Variants in PDSS2 observed in about 807,000 individuals in gnomAD.
PDSS2 encodes decaprenyl diphosphate synthase subunit 2.
A neutral mutation model predicts 44.5 loss-of-function variants in PDSS2; 31 were observed. The ratio of observed to expected loss-of-function variants is 0.70; its 90% CI spans 0.52 to 0.94. PDSS2 has a LOEUF of 0.94. PDSS2 is among the 40% of genes least tolerant of loss of function. The pLI, the probability that PDSS2 is intolerant of heterozygous loss-of-function variation, is 0.00. For synonymous variants in PDSS2, 157 were observed against 180.3 expected, an observed-to-expected ratio of 0.87 and a Z score of 1.03; for missense variants, 452 against 482.2, an observed-to-expected ratio of 0.94 and a Z score of 0.59.
At chr6:107,351,350 T>G (rs573313317) in intron 1 of PDSS2, among the ~76,000 whole-genome samples, 1 of 152,310 alleles carries the variant, frequency 6.6e-6, no homozygotes, top group African/African-American at 2.4e-5. Context: ...GTTCTGCTCT[T>G]CCCCAAGAGT....
At chr6:107,319,373 T>C (rs981819556) in intron 2 of PDSS2, among the ~76,000 whole-genome samples, 1 of 152,116 alleles carries the variant, frequency 6.6e-6, no homozygotes, top group African/African-American at 2.4e-5. Flanking sequence ...TCATTGAAGG[T>C]ACAGTACCTA....
intron 1 of PDSS2, among the ~76,000 whole-genome samples, chr6:107,410,899 C>T (rs1364451080): frequency 6.7e-6 from 1 of 150,094 alleles, no homozygotes; most frequent in African/African-American, 2.5e-5. Flanking sequence ...TTTGTTATTA[C>T]TTTTTTGAGA....
chr6:107,411,377 G>A (rs1434893841), intron 1 of PDSS2, among the ~76,000 whole-genome samples: 1 of 152,140 alleles, frequency 6.6e-6, no homozygotes, highest in Non-Finnish European at 1.5e-5. Flanking sequence ...ATGAAAACTG[G>A]ACAACCAAAT....
intron 2 of PDSS2, among the ~76,000 whole-genome samples, chr6:107,328,577 G>C (rs1034129173): frequency 1.3e-5 from 2 of 152,074 alleles, no homozygotes; most frequent in Non-Finnish European, 2.9e-5. Context: ...TGCCCAGCCT[G>C]AAACTGTTAT....
intron 6 of PDSS2, among the ~76,000 whole-genome samples, chr6:107,197,144 C>T (rs1315163419): frequency 6.6e-6 from 1 of 151,814 alleles, no homozygotes; most frequent in Non-Finnish European, 1.5e-5. Context: ...CTGGGAGCTG[C>T]TCTAGCAAAT....
intron 1 of PDSS2, among the ~76,000 whole-genome samples, chr6:107,392,495 T>C (rs1284604523): frequency 6.6e-6 from 1 of 152,198 alleles, no homozygotes; most frequent in East Asian, 1.9e-4. Context: ...TTTCAGTCAT[T>C]TTCTTATTAG....
At chr6:107,272,057 A>G (rs9480760) in intron 3 of PDSS2, among the ~76,000 whole-genome samples, 28,561 of 149,952 alleles carry the variant, frequency 0.19, 2,884 homozygotes, top group African/African-American at 0.21. Context: ...ACCCTGTCTC[A>G]AAAAAGAAAC....
intron 3 of PDSS2, chr6:107,264,273 C>T (rs1245841453): frequency 2.2e-6 from 3 of 1,366,396 alleles, no homozygotes; most frequent in Non-Finnish European, 2.8e-6. Context: ...AAACAAAATA[C>T]TTCATTTTAA....
At chr6:107,381,212 T>A (rs549417744) in intron 1 of PDSS2, among the ~76,000 whole-genome samples, 1 of 152,294 alleles carries the variant, frequency 6.6e-6, no homozygotes, top group East Asian at 1.9e-4. Context: ...ATAAGGTGCT[T>A]TTCTCGACTC....
chr6:107,308,232 A>C (rs962673717), intron 2 of PDSS2, among the ~76,000 whole-genome samples: 4 of 152,196 alleles, frequency 2.6e-5, no homozygotes, highest in Admixed American at 6.5e-5. Flanking sequence ...AACAAACTTT[A>C]AAAAACTAAA....
chr6:107,225,809 T>C (rs1217919707), intron 4 of PDSS2, among the ~76,000 whole-genome samples: 1 of 152,196 alleles, frequency 6.6e-6, no homozygotes, highest in African/African-American at 2.4e-5. Flanking sequence ...TCATTTAAAC[T>C]TGGGAAGACA....
intron 1 of PDSS2, among the ~76,000 whole-genome samples, chr6:107,413,444 G>A (rs1328031995): frequency 1.3e-5 from 2 of 152,206 alleles, no homozygotes; most frequent in Non-Finnish European, 2.9e-5. Flanking sequence ...GCTGAGGTGG[G>A]AGAATTTCTT....
At chr6:107,163,804 C>A (rs958703686) in intron 7 of PDSS2, among the ~76,000 whole-genome samples, 1 of 152,036 alleles carries the variant, frequency 6.6e-6, no homozygotes, top group South Asian at 2.1e-4. Flanking sequence ...GGTTTCACCA[C>A]GTTGGCCAGG....
chr6:107,205,010 A>T lies in PDSS2; in HGVS notation c.1008+5429T>A, dbSNP rs537382720. Among the ~76,000 whole-genome samples, 130 of 152,340 alleles carry T rather than the reference A, an allele frequency of 8.5e-4. 2 individuals are homozygous for T. In the South Asian group the frequency reaches 0.021, roughly 25 times the overall value. ...TATGATAGAGGATGATATTAATATTATTCCTTTTGAAACCACTAAAAATGT... is the reference window on the plus strand; with the variant it reads ...TATGATAGAGGATGATATTAATATTTTTCCTTTTGAAACCACTAAAAATGT... On this transcript the variant is annotated intron_variant, in intron 6 of 7. Coordinates refer to ENST00000369037, the MANE Select transcript of PDSS2 (RefSeq NM_020381.4).
At chr6:107,387,485 A>T (rs1779646736) in intron 1 of PDSS2, among the ~76,000 whole-genome samples, 1 of 152,234 alleles carries the variant, frequency 6.6e-6, no homozygotes, top group Non-Finnish European at 1.5e-5. Flanking sequence ...TTACAGAGAC[A>T]GAAGGAAAGA....
chr6:107,277,417 G>T (rs1336265118), intron 2 of PDSS2, among the ~76,000 whole-genome samples: 1 of 152,168 alleles, frequency 6.6e-6, no homozygotes, highest in Non-Finnish European at 1.5e-5. Context: ...AAGAATTTTG[G>T]AGCTTGGTTA....
chr6:107,250,359 T>C (rs1774775240), intron 3 of PDSS2, among the ~76,000 whole-genome samples: 1 of 152,136 alleles, frequency 6.6e-6, no homozygotes, highest in Admixed American at 6.5e-5. Context: ...GACAACAAAA[T>C]AATAATAATG....
At chr6:107,270,122 T>G (rs776690535) in intron 3 of PDSS2, among the ~76,000 whole-genome samples, 7 of 152,110 alleles carry the variant, frequency 4.6e-5, no homozygotes, top group Non-Finnish European at 8.8e-5. Context: ...ATTATTTTTT[T>G]TTTGAGACCG....
intron 6 of PDSS2, among the ~76,000 whole-genome samples, chr6:107,208,663 G>T (rs1030797608): frequency 1.4e-5 from 2 of 145,940 alleles, no homozygotes; most frequent in African/African-American, 5.1e-5. Context: ...AGGCTAGAGT[G>T]CAATGGCGCA....
Sources: allele counts gnomAD v4.1 joint callset (sites outside exome capture counted in the v4.1 genomes callset), GRCh38; gene constraint gnomAD v4.1.1; transcripts MANE v1.5; gene names NCBI Gene and HGNC (gene_info 2026-07-23, HGNC 2026-07-21).